PKP1: variants seen among roughly 807,000 people sequenced by gnomAD.
PKP1 encodes plakophilin 1, also known as plakophilin-1.
In PKP1, 27 loss-of-function variants were observed where a neutral mutation model predicts 76.4. The ratio of observed to expected loss-of-function variants is 0.35; its 90% CI spans 0.26 to 0.49. The LOEUF is 0.49. Ranked by LOEUF, PKP1 falls within the 20% of genes least tolerant of loss-of-function variation. PKP1 has a pLI of 0.99. For missense variants in PKP1, 964 were observed against 955.2 expected, an observed-to-expected ratio of 1.01 and a Z score of -0.12; for synonymous variants, 404 against 384.2, an observed-to-expected ratio of 1.05 and a Z score of -0.60.
chr1:201,316,149 C>CGGAT (rs1186840087), intron 3 of PKP1: 5 of 124,050 alleles, frequency 4.0e-5, no homozygotes, highest in Admixed American at 1.5e-4. Flanking sequence ...GATGGACGGA[C>CGGAT]GGATGGATGG....
chr1:201,325,049 T>A lies in PKP1; in HGVS notation c.1943T>A (p.Met648Lys). Residue 648 changes from methionine to lysine, a missense_variant, in exon 11 of 14, where the codon ATG becomes AAG. Physicochemically the swap from Met to Lys is moderately conservative, Grantham distance 95. Transcript: ENST00000367324. ...SSACYTVRNL[M>K]ASQPQLAKQY... ...GCCTGCTACACTGTGAGGAACCTGA[T>A]GGCCTCGCAGCCACAACTGGCCAAG... is the stretch of plus-strand genomic sequence containing the variant. 6.2e-7 allele frequency: 1 copy of A among 1,613,900 alleles called. No homozygotes were observed. Among genetic ancestry groups the A allele is most frequent in the Non-Finnish European group, 8.5e-7 (1 of 1,179,994 alleles).
chr1:201,319,779 T>C (rs1321990806), intron 6 of PKP1: 1 of 1,611,188 alleles, frequency 6.2e-7, no homozygotes, highest in African/African-American at 1.3e-5. Flanking sequence ...GATCCACTTC[T>C]GATCCAGCAT....
chr1:201,322,542 GC>G (rs1656978236), intron 8 of PKP1, among the ~76,000 whole-genome samples: 1 of 152,196 alleles, frequency 6.6e-6, no homozygotes, highest in South Asian at 2.1e-4. Context: ...TTCCCCAGAA[GC>G]AGAAGCCTAC....
intron 2 of PKP1, among the ~76,000 whole-genome samples, chr1:201,296,517 G>A (rs1196896576): frequency 2.0e-5 from 3 of 152,214 alleles, no homozygotes; most frequent in African/African-American, 7.2e-5. Flanking sequence ...TCTGAGAGCT[G>A]ATGAAGGATC....
chr1:201,301,643 A>C (rs913846417), intron 2 of PKP1, among the ~76,000 whole-genome samples: 3 of 151,996 alleles, frequency 2.0e-5, no homozygotes, highest in Non-Finnish European at 4.4e-5. Context: ...CCTAATATGA[A>C]ACTTTAGAGA....
At chr1:201,285,156 G>A (rs1655689399) in intron 1 of PKP1, among the ~76,000 whole-genome samples, 1 of 151,870 alleles carries the variant, frequency 6.6e-6, no homozygotes, top group South Asian at 2.1e-4. Context: ...GGCCTTAGGA[G>A]AGAGTGAGGG....
chr1:201,302,822 C>T (rs563209039), intron 2 of PKP1, among the ~76,000 whole-genome samples: 1 of 152,354 alleles, frequency 6.6e-6, no homozygotes, highest in South Asian at 2.1e-4. Flanking sequence ...GGGAAGGAGG[C>T]CGCTTGTGAC....
At chr1:201,290,775 T>C (rs944164688) in intron 1 of PKP1, among the ~76,000 whole-genome samples, 4 of 152,128 alleles carry the variant, frequency 2.6e-5, no homozygotes, top group Non-Finnish European at 5.9e-5. Context: ...AAGAAAGACA[T>C]GGTTCGCACT....
chr1:201,310,299 G>A (rs760892821), intron 2 of PKP1, among the ~76,000 whole-genome samples: 1 of 152,212 alleles, frequency 6.6e-6, no homozygotes, highest in Non-Finnish European at 1.5e-5. Flanking sequence ...CTCTATGTTG[G>A]CTACAATTAT....
chr1:201,326,986 T>A (rs1207460938), intron 12 of PKP1, among the ~76,000 whole-genome samples: 2 of 152,134 alleles, frequency 1.3e-5, no homozygotes, highest in Non-Finnish European at 2.9e-5. Flanking sequence ...GACCAGGGGA[T>A]GGACACTGGA....
chr1:201,316,522 C>A, intron 3 of PKP1, 31 bp from the exon 4 acceptor site: 1 of 1,580,860 alleles, frequency 6.3e-7, no homozygotes, highest in African/African-American at 1.3e-5. Flanking sequence ...CAGCCCACCC[C>A]GTAACCACCC....
At chr1:201,285,758 T>C (rs1029778671) in intron 1 of PKP1, among the ~76,000 whole-genome samples, 1 of 152,224 alleles carries the variant, frequency 6.6e-6, no homozygotes, top group African/African-American at 2.4e-5. Context: ...TGGCTGAGTG[T>C]CTGTCAGCAA....
At chr1:201,322,935 G>T (rs1463151424) in intron 8 of PKP1, 78 bp from the exon 9 acceptor site, 9 of 1,459,362 alleles carry the variant, frequency 6.2e-6, no homozygotes, top group Non-Finnish European at 7.6e-6. Context: ...GAGGCTGGGG[G>T]GATGGGGACA....
chr1:201,313,954 C>T (rs2102174225), intron 3 of PKP1, among the ~76,000 whole-genome samples: 1 of 152,314 alleles, frequency 6.6e-6, no homozygotes, highest in South Asian at 2.1e-4. Context: ...AGGGGCCCAG[C>T]AATGCATATA....
Position 201,313,572 on chromosome 1 carries a change from TG to T in PKP1, c.701+15del. The T allele has an allele frequency of 2.2e-5, 36 of 1,607,634 alleles. No individual in the cohort carries two copies. Among genetic ancestry groups the T allele is most frequent in the Non-Finnish European group, 3.0e-5 (35 of 1,175,734 alleles). On this transcript the variant is annotated intron_variant, in intron 3 of 13. Coordinates refer to ENST00000367324, the MANE Select transcript of PKP1 (RefSeq NM_001005337.3). ...AGGGCCAGCTCCAAGTGAGTGCTGCTGGGCTGGGTTGGGGAGCCAGGAGGGC... is the reference window on the plus strand; with the variant it reads ...AGGGCCAGCTCCAAGTGAGTGCTGCTGGCTGGGTTGGGGAGCCAGGAGGGC...
intron 2 of PKP1, among the ~76,000 whole-genome samples, chr1:201,310,830 G>A (rs1656527081): frequency 6.6e-6 from 1 of 152,192 alleles, no homozygotes; most frequent in South Asian, 2.1e-4. Context: ...AGTCCCACGG[G>A]GATGTCTCTG....
Position 201,283,814 on chromosome 1 carries a change from A to G in PKP1, c.112A>G (p.Arg38Gly), listed in dbSNP as rs754822585. Residue 38 changes from arginine to glycine, a missense_variant, in exon 1 of 14, where the codon AGG becomes GGG. Arg to Gly is a moderately radical substitution (Grantham distance 125). Coordinates refer to ENST00000367324, the MANE Select transcript of PKP1 (RefSeq NM_001005337.3). ...DQKMKTGTSG[R>G]QRVQEQVMMT... ...AAAGATGAAAACAGGCACGTCTGGC[A>G]GGCAGCGCGTGCAGGAGCAGGTGAT... 1 of 1,614,118 alleles carries G rather than the reference A, an allele frequency of 6.2e-7. No homozygotes were observed. The highest frequency in any genetic ancestry group is 2.2e-5 in the East Asian group (1 of 44,874).
chr1:201,328,288 C>G, intron 12 of PKP1: 1 of 258,818 alleles, frequency 3.9e-6, no homozygotes, highest in Non-Finnish European at 7.5e-6. Flanking sequence ...GTAAACAGAA[C>G]CTTCTAGCAC....
intron 2 of PKP1, among the ~76,000 whole-genome samples, chr1:201,305,551 T>G (rs1422925564): frequency 1.3e-5 from 2 of 152,188 alleles, no homozygotes; most frequent in Non-Finnish European, 2.9e-5. Flanking sequence ...CAGGAGTGGT[T>G]TCTTTCCACT....
Sources: gnomAD v4.1 joint callset for allele counts (sites outside exome capture counted in the v4.1 genomes callset) on GRCh38, gnomAD v4.1.1 for gene constraint, MANE v1.5 for transcripts, NCBI Gene and HGNC (gene_info 2026-07-23, HGNC 2026-07-21) for gene names.